UBE2O: variants seen among roughly 807,000 people sequenced by gnomAD.
UBE2O encodes the protein (E3-independent) E2 ubiquitin-conjugating enzyme.
Under a neutral mutation model 125.8 loss-of-function variants are expected in UBE2O, and 15 were observed. The ratio of observed to expected loss-of-function variants is 0.12; its 90% CI spans 0.08 to 0.18. The LOEUF (loss-of-function observed/expected upper bound fraction) is 0.18. Ranked by LOEUF, UBE2O falls within the 10% of genes least tolerant of loss-of-function variation. The pLI is 1.00. For missense variants in UBE2O, 1,280 were observed against 1,723.6 expected (o/e 0.74, Z 4.56); for synonymous variants, 708 against 703.2 (o/e 1.01, Z -0.11).
intron 1 of UBE2O, among the ~76,000 whole-genome samples, chr17:76,450,341 C>G (rs1323985067): frequency 6.6e-6 from 1 of 152,140 alleles, no homozygotes; most frequent in Non-Finnish European, 1.5e-5. Flanking sequence ...TCACCTGTAT[C>G]TATAGCTCAT....
chr17:76,416,993 G>A (rs2072627875), intron 1 of UBE2O, among the ~76,000 whole-genome samples: 1 of 152,226 alleles, frequency 6.6e-6, no homozygotes, highest in Non-Finnish European at 1.5e-5. Flanking sequence ...TCAGGGCACA[G>A]GGACCAGGTC....
At chr17:76,420,768 T>G (rs1427629081) in intron 1 of UBE2O, among the ~76,000 whole-genome samples, 1 of 152,028 alleles carries the variant, frequency 6.6e-6, no homozygotes, top group Non-Finnish European at 1.5e-5. Context: ...CACCACCAGG[T>G]GTTGGTCCTG....
rs780516733 is a variant in UBE2O, at chr17:76,396,633, G to A, written c.2304C>T (p.Ala768=). 2.5e-6 allele frequency: 4 copies of A among 1,613,134 alleles called. No homozygotes were observed. The African/African-American group carries it at 4.0e-5, about 16-fold the overall frequency. ...PPIPPLEQPV[A]PEDKGVVISE... ...TGATCACCACTCCCTTGTCCTCAGGGGCCACCGGCTGCTCCAGGGGTGGGA... is the reference window on the plus strand; with the variant it reads ...TGATCACCACTCCCTTGTCCTCAGGAGCCACCGGCTGCTCCAGGGGTGGGA... The change falls in exon 14 of 18, where the codon GCC becomes GCT. Residue 768 remains alanine, a synonymous_variant. Transcript: ENST00000319380. The surrounding 1 kb of genome is among the most constrained non-coding windows in gnomAD (Gnocchi z 6.7).
At chr17:76,412,244 C>T (rs2072528554) in intron 1 of UBE2O, among the ~76,000 whole-genome samples, 2 of 152,302 alleles carry the variant, frequency 1.3e-5, no homozygotes, top group South Asian at 4.1e-4. Flanking sequence ...CAGCCACACA[C>T]AGGACTGAAG....
At chr17:76,409,113 C>T (rs181496075) in intron 1 of UBE2O, among the ~76,000 whole-genome samples, 6,118 of 151,438 alleles carry the variant, frequency 0.04, 191 homozygotes, top group Non-Finnish European at 0.064. Flanking sequence ...GGACTACAGG[C>T]GCCCGCCACC....
At chr17:76,414,332 TA>T (rs1032819991) in intron 1 of UBE2O, among the ~76,000 whole-genome samples, 1 of 152,218 alleles carries the variant, frequency 6.6e-6, no homozygotes, top group Non-Finnish European at 1.5e-5. Context: ...TACAAATATA[TA>T]ATTAAGAATG....
At chr17:76,393,734 G>A (rs1039552987) in intron 15 of UBE2O, among the ~76,000 whole-genome samples, 2 of 152,106 alleles carry the variant, frequency 1.3e-5, no homozygotes, top group East Asian at 1.9e-4. Flanking sequence ...GGAGACCACC[G>A]CTCCACAGAC....
chr17:76,415,795 C>CTCTGTGTGTGTGTGTG (rs1555607402), intron 1 of UBE2O, among the ~76,000 whole-genome samples: 359 of 143,270 alleles, frequency 2.5e-3, no homozygotes, highest in East Asian at 0.011. Context: ...CAGAGCAAGA[C>CTCTGTGTGTGTGTGTG]TGTGTGTGTG....
In UBE2O at chr17:76,399,749, A is replaced by C. The variant is rs753943012; in HGVS notation, c.1328T>G (p.Val443Gly). 1 of 1,613,692 alleles carries C rather than the reference A, an allele frequency of 6.2e-7. No homozygotes were observed. Among genetic ancestry groups the C allele is most frequent in the African/African-American group, 1.3e-5 (1 of 74,776 alleles). ...EETPDGSASP[V>G]EMQDEGAEEP... ...CTCTGCACCCTCGTCCTGCATCTCC[A>C]CTGGACTGGCAGAGCCATCGGGCGT... The change falls in exon 9 of 18, where the codon GTG becomes GGG. Residue 443 changes from valine to glycine, a missense_variant. Physicochemically the swap from Val to Gly is moderately radical, Grantham distance 109 (BLOSUM62 -3). Around this residue, in one of 10 missense-constraint regions of UBE2O, gnomAD observed 141 missense variants for 141.3 expected, o/e 1.00. Coordinates refer to ENST00000319380, the MANE Select transcript of UBE2O (RefSeq NM_022066.4). The surrounding 1 kb of genome is among the most constrained non-coding windows in gnomAD (Gnocchi z 6.9).
At chr17:76,431,711 CG>C (rs943336519) in intron 1 of UBE2O, among the ~76,000 whole-genome samples, 15 of 151,972 alleles carry the variant, frequency 9.9e-5, no homozygotes, top group African/African-American at 3.1e-4. Flanking sequence ...GGAAGCCCAG[CG>C]GGGGGGACTG....
chr17:76,421,049 T>A (rs1429321750), intron 1 of UBE2O, among the ~76,000 whole-genome samples: 1 of 152,050 alleles, frequency 6.6e-6, no homozygotes, highest in Admixed American at 6.5e-5. Flanking sequence ...TTGGGCTGAG[T>A]TCCTGGTAAA....
chr17:76,406,692 GTTTTTTTTTTTTTTT>G (rs66834782), intron 1 of UBE2O, among the ~76,000 whole-genome samples: 3 of 70,896 alleles, frequency 4.2e-5, no homozygotes, highest in East Asian at 1.0e-3. Flanking sequence ...AGCCCAAGTT[GTTTTTTTTTTTTTTT>G]TTTTTTTTTT....
At chr17:76,415,828 T>TGTGTGTGC (rs1491320241) in intron 1 of UBE2O, among the ~76,000 whole-genome samples, 5 of 151,172 alleles carry the variant, frequency 3.3e-5, no homozygotes, top group Non-Finnish European at 5.9e-5. Context: ...TGTGTGTGTG[T>TGTGTGTGC]GCATACACAT....
chr17:76,415,986 C>CACACACGTATATATGTGTGT (rs2072600955), intron 1 of UBE2O, among the ~76,000 whole-genome samples: 1 of 129,688 alleles, frequency 7.7e-6, no homozygotes, highest in Non-Finnish European at 1.9e-5. Flanking sequence ...TATACATATG[C>CACACACGTATATATGTGTGT]ACATACACGT....
chr17:76,399,845 G>A lies in UBE2O; in HGVS notation c.1232C>T (p.Ser411Phe). 1 of 1,614,158 alleles carries A rather than the reference G, an allele frequency of 6.2e-7. No homozygotes were observed. Among genetic ancestry groups the A allele is most frequent in the Non-Finnish European group, 8.5e-7 (1 of 1,180,008 alleles). ...SPDTQCSRDH[S>F]MEDPDKKGES... is the part of the protein sequence containing the mutation. Reference sequence around the variant, plus strand: ...CCCCTTCTTGTCTGGGTCTTCCATGGAATGGTCCCGGGAACACTGGGTGTC... The same window carrying A: ...CCCCTTCTTGTCTGGGTCTTCCATGAAATGGTCCCGGGAACACTGGGTGTC... Residue 411 changes from serine to phenylalanine, a missense_variant, in exon 9 of 18, where the codon TCC becomes TTC. Physicochemically the swap from Ser to Phe is radical, Grantham distance 155. Transcript: ENST00000319380. The surrounding 1 kb of genome is among the most constrained non-coding windows in gnomAD (Gnocchi z 6.9).
intron 1 of UBE2O, among the ~76,000 whole-genome samples, chr17:76,419,708 C>T (rs2072675913): frequency 6.6e-6 from 1 of 152,354 alleles, no homozygotes; most frequent in South Asian, 2.1e-4. Context: ...AAGAGCAGAT[C>T]CCGCCAGCAC....
Position 76,396,202 on chromosome 17 carries a change from T to G in UBE2O, c.2735A>C (p.Gln912Pro). The change falls in exon 14 of 18, where the codon CAG (glutamine) becomes CCG (proline). Residue 912 changes from glutamine (Q) to proline (P), a missense_variant. Physicochemically the swap from Gln to Pro is moderately conservative, Grantham distance 76. Transcript: ENST00000319380. The surrounding 1 kb of genome is among the most constrained non-coding windows in gnomAD (Gnocchi z 6.7). ...GGTGACGCCAGGCTTGCCGCCACAC[T>G]GCTGGCACAGCACCGGGGTTTCGCT... Reference protein sequence around the residue: ...WPSETPVLCQQCGGKPGVTFT... With the variant: ...WPSETPVLCQPCGGKPGVTFT... 2 of 1,614,128 alleles carry G rather than the reference T, an allele frequency of 1.2e-6. No individual in the cohort carries two copies. Among genetic ancestry groups the G allele is most frequent in the South Asian group, 2.2e-5 (2 of 91,078 alleles).
intron 1 of UBE2O, among the ~76,000 whole-genome samples, chr17:76,439,525 A>G (rs2143885382): frequency 6.6e-6 from 1 of 152,324 alleles, no homozygotes; most frequent in East Asian, 1.9e-4. Context: ...CACTGCTCTG[A>G]TGGCCAATAG....
At chr17:76,428,653 C>T (rs1353375849) in intron 1 of UBE2O, among the ~76,000 whole-genome samples, 1 of 152,114 alleles carries the variant, frequency 6.6e-6, no homozygotes, top group Non-Finnish European at 1.5e-5. Context: ...CTGAACATAT[C>T]CAGTTATTCT....
Sources: allele counts gnomAD v4.1 joint callset (sites outside exome capture counted in the v4.1 genomes callset), GRCh38; gene constraint gnomAD v4.1.1; regional missense constraint gnomAD v4.1.1; non-coding constraint Gnocchi (gnomAD v3.1); transcripts MANE v1.5; gene names NCBI Gene and HGNC (gene_info 2026-07-23, HGNC 2026-07-21).